The following ANK3 variants were observed in gnomAD, a reference collection of about 807,000 sequenced individuals.
ANK3 encodes the protein ankyrin 3.
In ANK3, 57 loss-of-function variants were observed where a neutral mutation model predicts 370.9. The ratio of observed to expected loss-of-function variants is 0.15; its 90% CI spans 0.12 to 0.19. The LOEUF (loss-of-function observed/expected upper bound fraction) is 0.19, where lower values mean the gene tolerates loss of function less well. ANK3 is among the 10% of genes least tolerant of loss of function. The probability of loss-of-function intolerance (pLI) is 1.00; values close to 1 mark genes in which losing one functional copy is unlikely to be tolerated. For missense variants in ANK3, 4,439 were observed against 5,302.1 expected (o/e 0.84, Z 5.06); for synonymous variants, 1,929 against 1,946.3 (o/e 0.99, Z 0.23).
rs1206595597 is a variant in ANK3, at chr10:60,706,616, G to A, written c.57+26647C>T. On this transcript the variant is annotated intron_variant, in intron 1 of 43. Coordinates refer to the ANK3 transcript ENST00000373827. Reference sequence around the variant, plus strand: ...TTTGACTGTTGAGTCGCTTTTTTGTGTTTCTTTCCTCTTTCTTTAACTCTT... The same window carrying A: ...TTTGACTGTTGAGTCGCTTTTTTGTATTTCTTTCCTCTTTCTTTAACTCTT... Among the ~76,000 whole-genome samples the A allele has an allele frequency of 2.0e-5, 3 of 151,326 alleles. No individual in the cohort carries two copies. In the East Asian group the frequency reaches 5.8e-4, roughly 29 times the overall value.
intron 1 of ANK3, among the ~76,000 whole-genome samples, chr10:60,290,703 T>G (rs2041158187): frequency 6.6e-6 from 1 of 152,162 alleles, no homozygotes; most frequent in South Asian, 2.1e-4. Context: ...TAGGCATGGT[T>G]AGCATCTTTA....
intron 17 of ANK3, among the ~76,000 whole-genome samples, chr10:60,184,751 T>C (rs527338164): frequency 1.8e-4 from 28 of 152,340 alleles, no homozygotes; most frequent in African/African-American, 6.5e-4. Flanking sequence ...TGGGCATATA[T>C]TGTACCAGTT....
intron 2 of ANK3, among the ~76,000 whole-genome samples, chr10:60,595,556 T>C (rs953730199): frequency 6.6e-6 from 1 of 152,094 alleles, no homozygotes; most frequent in African/African-American, 2.4e-5. Context: ...ACAATAATAA[T>C]GTTATCTATA....
At chr10:60,722,703 T>G in intron 1 of ANK3, among the ~76,000 whole-genome samples, 1 of 152,210 alleles carries the variant, frequency 6.6e-6, no homozygotes, top group East Asian at 1.9e-4. Flanking sequence ...TGGGGGCAGA[T>G]CCCTCATGAA....
At chr10:60,223,925 C>T (rs997928500) in intron 8 of ANK3, among the ~76,000 whole-genome samples, 7 of 149,798 alleles carry the variant, frequency 4.7e-5, no homozygotes, top group Admixed American at 2.0e-4. Flanking sequence ...ATTCATTTCC[C>T]TAAAATTAGA....
rs1353354562 is a variant in ANK3 at position 60,205,901 on chromosome 10, C to A, written c.1195-11G>T. 6.5e-7 allele frequency: 1 copy of A among 1,533,926 alleles called. No homozygotes were observed. Among genetic ancestry groups the A allele is most frequent in the Non-Finnish European group, 9.0e-7 (1 of 1,107,006 alleles). ...AGGGGTAAAGCCATTCTGCAAGGGA[C>A]AAATACATATACCTGCTTGACTACA... On this transcript the variant is annotated splice_polypyrimidine_tract_variant and intron_variant, in intron 10 of 43. Coordinates refer to ENST00000280772, the MANE Select transcript of ANK3 (RefSeq NM_020987.5).
At chr10:60,254,232 GTT>G (rs72095634) in intron 7 of ANK3, among the ~76,000 whole-genome samples, 1 of 145,868 alleles carries the variant, frequency 6.9e-6, no homozygotes, top group African/African-American at 2.5e-5. Context: ...CTTTTTTATT[GTT>G]TTTTTTTTCC....
chr10:60,127,918 C>T (rs947976890), intron 25 of ANK3, among the ~76,000 whole-genome samples: 2 of 152,034 alleles, frequency 1.3e-5, no homozygotes. Flanking sequence ...AGGATGGTCT[C>T]GATCTCCTTA....
At chr10:60,622,177 A>C (rs1298014745) in intron 1 of ANK3, among the ~76,000 whole-genome samples, 1 of 152,162 alleles carries the variant, frequency 6.6e-6, no homozygotes, top group Non-Finnish European at 1.5e-5. Context: ...ATGTTTGGAA[A>C]GCCAGAAAGT....
At chr10:60,284,669 A>C (rs2098218331) in intron 1 of ANK3, among the ~76,000 whole-genome samples, 2 of 152,120 alleles carry the variant, frequency 1.3e-5, no homozygotes, top group Admixed American at 1.3e-4. Context: ...TCCATGGATC[A>C]GAATTTCCTC....
chr10:60,489,987 A>G (rs10994381), intron 2 of ANK3, among the ~76,000 whole-genome samples: 19,781 of 152,066 alleles, frequency 0.13, 1,501 homozygotes, highest in African/African-American at 0.21. Flanking sequence ...CTTTGGTGAT[A>G]TCAGTTTCTC....
At chr10:60,363,886 A>G (rs1175318902) in intron 1 of ANK3, among the ~76,000 whole-genome samples, 1 of 152,094 alleles carries the variant, frequency 6.6e-6, no homozygotes, top group Non-Finnish European at 1.5e-5. Context: ...GTAAGTTTTT[A>G]TAAAAAGATA....
chr10:60,577,393 C>G (rs1416905547), intron 2 of ANK3, among the ~76,000 whole-genome samples: 2 of 152,040 alleles, frequency 1.3e-5, no homozygotes, highest in African/African-American at 4.8e-5. Flanking sequence ...CAAATCTCAT[C>G]TTGAATCCTA....
chr10:60,679,971 C>T (rs1421267326), intron 1 of ANK3, among the ~76,000 whole-genome samples: 1 of 151,800 alleles, frequency 6.6e-6, no homozygotes, highest in Non-Finnish European at 1.5e-5. Context: ...CCTCTCTCTA[C>T]TAAAAATACA....
chr10:60,409,835 A>G (rs574672902), intron 2 of ANK3, among the ~76,000 whole-genome samples: 5 of 152,198 alleles, frequency 3.3e-5, no homozygotes, highest in Non-Finnish European at 7.3e-5. Flanking sequence ...TTAAAAATAT[A>G]TGATGTGCCT....
At chr10:60,507,364 T>C (rs965301395) in intron 2 of ANK3, 1 of 151,934 alleles carries the variant, frequency 6.6e-6, no homozygotes, top group Non-Finnish European at 1.5e-5. Context: ...ATGAAATAGG[T>C]TAGCATTTAG....
At chr10:60,415,281 G>A (rs531667854) in intron 2 of ANK3, among the ~76,000 whole-genome samples, 22 of 152,278 alleles carry the variant, frequency 1.4e-4, no homozygotes, top group East Asian at 1.9e-4. Flanking sequence ...CCCAGAGGCC[G>A]AGGGAGGAAA....
At chr10:60,606,954 C>T (rs2078136865) in intron 2 of ANK3, among the ~76,000 whole-genome samples, 1 of 152,136 alleles carries the variant, frequency 6.6e-6, no homozygotes, top group Admixed American at 6.6e-5. Flanking sequence ...TGGAACACAC[C>T]CAACAAGCTG....
At chr10:60,313,281 A>G (rs1179005101) in intron 1 of ANK3, among the ~76,000 whole-genome samples, 1 of 152,240 alleles carries the variant, frequency 6.6e-6, no homozygotes, top group Non-Finnish European at 1.5e-5. Context: ...AAAGGAAGCC[A>G]GTAACTTCTG....
Sources: allele counts gnomAD v4.1 joint callset (sites outside exome capture counted in the v4.1 genomes callset), GRCh38; gene constraint gnomAD v4.1.1; transcripts MANE v1.5; gene names NCBI Gene and HGNC (gene_info 2026-07-23, HGNC 2026-07-21).